CTNNA2: variants seen among roughly 807,000 people sequenced by gnomAD.
CTNNA2 encodes catenin alpha-2.
A neutral mutation model predicts 101.0 loss-of-function variants in CTNNA2; 42 were observed. The ratio of observed to expected loss-of-function variants is 0.42; its 90% CI spans 0.32 to 0.54. The LOEUF is 0.54. Ranked by LOEUF, CTNNA2 falls within the 20% of genes least tolerant of loss-of-function variation. CTNNA2 has a pLI of 0.14. For missense variants in CTNNA2, 871 were observed against 1,223.1 expected (o/e 0.71, Z 4.29); for synonymous variants, 450 against 456.4 (o/e 0.99, Z 0.18).
intron 2 of CTNNA2, among the ~76,000 whole-genome samples, chr2:79,260,252 G>C (rs934916660): frequency 6.6e-6 from 1 of 151,994 alleles, no homozygotes. Flanking sequence ...GTTCTCCCAC[G>C]GTCTCTCTCC....
At chr2:79,733,007 C>T (rs765176670) in intron 2 of CTNNA2, among the ~76,000 whole-genome samples, 5 of 152,230 alleles carry the variant, frequency 3.3e-5, no homozygotes, top group East Asian at 3.9e-4. Context: ...GTCAATTGAC[C>T]GCATCAACTT....
At chr2:80,085,605 A>C (rs1202409261) in intron 7 of CTNNA2, among the ~76,000 whole-genome samples, 1 of 152,042 alleles carries the variant, frequency 6.6e-6, no homozygotes, top group Non-Finnish European at 1.5e-5. Flanking sequence ...TTGAAAAGGC[A>C]TAGTTTGTTT....
In CTNNA2 at chr2:80,083,756, C is replaced by T. The variant is rs142916044; in HGVS notation, c.1056+173959C>T. Among the ~76,000 whole-genome samples the T allele has an allele frequency of 2.7e-3, 408 of 152,154 alleles. 2 individuals are homozygous for T. The highest frequency in any genetic ancestry group is 1.7e-3 in the Non-Finnish European group (114 of 67,980). ...GCTATTTCTTACTTCCTATATTATA[C>T]CAGGCTTCTTTACCAAAGTCTACAC... On this transcript the variant is annotated intron_variant, in intron 7 of 18. Coordinates refer to ENST00000402739, the MANE Select transcript of CTNNA2 (RefSeq NM_001282597.3).
intron 7 of CTNNA2, among the ~76,000 whole-genome samples, chr2:80,052,141 T>C (rs900829095): frequency 6.6e-6 from 1 of 152,220 alleles, no homozygotes. Context: ...ACTTTAAATA[T>C]GATCTGAAAT....
chr2:79,425,274 C>T lies in CTNNA2; in HGVS notation c.-135+51261C>T, dbSNP rs114785680. ...AGTAGGGAGTCACAGAAGACCGGTT[C>T]CTGCATGGACATGTGTGCACACACA... is the stretch of plus-strand genomic sequence containing the variant. On this transcript the variant is annotated intron_variant, in intron 4 of 21. Coordinates refer to the CTNNA2 transcript ENST00000466387. 8.2e-3 allele frequency among the ~76,000 whole-genome samples: 1,253 copies of T among 152,262 alleles called. 7 individuals carry two copies. Among genetic ancestry groups the T allele is most frequent in the Non-Finnish European group, 0.014 (970 of 68,024 alleles).
chr2:79,700,599 T>C (rs765052562), intron 2 of CTNNA2, among the ~76,000 whole-genome samples: 1 of 152,106 alleles, frequency 6.6e-6, no homozygotes, highest in Non-Finnish European at 1.5e-5. Flanking sequence ...AGAGTAGCGA[T>C]TGGGATGCCA....
chr2:79,989,269 T>C (rs1258794979), intron 7 of CTNNA2, among the ~76,000 whole-genome samples: 2 of 152,192 alleles, frequency 1.3e-5, no homozygotes, highest in Non-Finnish European at 2.9e-5. Flanking sequence ...CTAAGTCTCT[T>C]AGCCTGCTCT....
intron 7 of CTNNA2, among the ~76,000 whole-genome samples, chr2:80,061,883 T>C (rs1390517723): frequency 2.6e-5 from 4 of 152,174 alleles, no homozygotes; most frequent in African/African-American, 2.4e-5. Context: ...ATTTAGAGGC[T>C]AAAAGCATAA....
chr2:80,238,609 G>A lies in CTNNA2; in HGVS notation c.1057-154602G>A, dbSNP rs1464503881. Reference sequence around the variant, plus strand: ...TCAGAGAAAATAAGAACATGAAACAGTTCCTGACAAGTCCCATAGCTTAAC... The same window carrying A: ...TCAGAGAAAATAAGAACATGAAACAATTCCTGACAAGTCCCATAGCTTAAC... On this transcript the variant is annotated intron_variant, in intron 7 of 18. Transcript: ENST00000402739. Among the ~76,000 whole-genome samples the A allele has an allele frequency of 3.3e-5, 5 of 152,234 alleles. No homozygotes were observed. The East Asian group carries it at 9.7e-4, about 29-fold the overall frequency.
chr2:79,902,499 C>T (rs542189742), intron 6 of CTNNA2, among the ~76,000 whole-genome samples: 10 of 152,136 alleles, frequency 6.6e-5, no homozygotes, highest in African/African-American at 1.9e-4. Context: ...TACCACTACC[C>T]GATGTTCATA....
At chr2:80,201,478 A>G (rs1451177864) in intron 7 of CTNNA2, among the ~76,000 whole-genome samples, 1 of 141,222 alleles carries the variant, frequency 7.1e-6, no homozygotes, top group East Asian at 2.1e-4. Flanking sequence ...GGTTCATGCC[A>G]TTCTCCTGCC....
At chr2:80,356,260 A>G (rs1199202473) in intron 7 of CTNNA2, among the ~76,000 whole-genome samples, 1 of 152,194 alleles carries the variant, frequency 6.6e-6, no homozygotes, top group Non-Finnish European at 1.5e-5. Flanking sequence ...ATTGGCACAA[A>G]GGTGACTAAT....
intron 7 of CTNNA2, among the ~76,000 whole-genome samples, chr2:80,103,130 T>C (rs1009339547): frequency 7.9e-5 from 12 of 152,164 alleles, no homozygotes; most frequent in African/African-American, 2.7e-4. Flanking sequence ...AGTACCTCTT[T>C]ATTAGTCCAC....
intron 11 of CTNNA2, among the ~76,000 whole-genome samples, chr2:80,552,500 T>C (rs557342816): frequency 1.4e-4 from 21 of 152,328 alleles, no homozygotes; most frequent in African/African-American, 5.1e-4. Flanking sequence ...GACTCATTTT[T>C]TCATAAAAAG....
At chr2:80,110,134 T>C (rs1701127212) in intron 7 of CTNNA2, among the ~76,000 whole-genome samples, 2 of 152,084 alleles carry the variant, frequency 1.3e-5, no homozygotes, top group Non-Finnish European at 2.9e-5. Context: ...GACGGTGCCA[T>C]ATTGAATAGT....
chr2:80,586,262 T>C (rs937288218), intron 14 of CTNNA2: 1 of 152,200 alleles, frequency 6.6e-6, no homozygotes, highest in Non-Finnish European at 1.5e-5. Context: ...AATTGTATTA[T>C]GGAGATGCAA....
chr2:80,345,680 T>G (rs1019237793), intron 7 of CTNNA2, among the ~76,000 whole-genome samples: 1 of 152,164 alleles, frequency 6.6e-6, no homozygotes, highest in Admixed American at 6.5e-5. Context: ...ATTGAATGAA[T>G]GACTCAATAG....
chr2:79,723,207 G>C (rs1328459693), intron 2 of CTNNA2, among the ~76,000 whole-genome samples: 2 of 151,974 alleles, frequency 1.3e-5, no homozygotes, highest in Non-Finnish European at 2.9e-5. Flanking sequence ...AAGTCCTATT[G>C]GTCCTGGAGA....
intron 9 of CTNNA2, among the ~76,000 whole-genome samples, chr2:80,471,650 C>G (rs972208404): frequency 2.0e-5 from 3 of 152,152 alleles, no homozygotes; most frequent in African/African-American, 7.2e-5. Context: ...TGGGATATGA[C>G]CTCATAGGAG....
Sources: allele counts gnomAD v4.1 joint callset (sites outside exome capture counted in the v4.1 genomes callset), GRCh38; gene constraint gnomAD v4.1.1; transcripts MANE v1.5; gene names NCBI Gene and HGNC (gene_info 2026-07-23, HGNC 2026-07-21).